Variants in MAP4K4 observed in about 807,000 individuals in gnomAD.
MAP4K4 encodes the protein mitogen-activated protein kinase kinase kinase kinase 4.
A neutral mutation model predicts 189.6 loss-of-function variants in MAP4K4; 38 were observed. That is an observed-to-expected ratio of 0.20 (90% confidence interval 0.15 to 0.26). The LOEUF is 0.26. Ranked by LOEUF, MAP4K4 falls within the 10% of genes least tolerant of loss-of-function variation. The probability of loss-of-function intolerance (pLI) is 1.00; values close to 1 mark genes in which losing one functional copy is unlikely to be tolerated. For synonymous variants in MAP4K4, 610 were observed against 624.3 expected (o/e 0.98, Z 0.34); for missense variants, 1,054 against 1,726.9 (o/e 0.61, Z 6.91).
At chr2:101,760,951 T>A (rs1474173682) in intron 2 of MAP4K4, among the ~76,000 whole-genome samples, 1 of 152,198 alleles carries the variant, frequency 6.6e-6, no homozygotes, top group Non-Finnish European at 1.5e-5. Flanking sequence ...TGCCGTGAAC[T>A]GAGATCGCGC....
At chr2:101,815,756 C>T (rs79128935) in intron 3 of MAP4K4, among the ~76,000 whole-genome samples, 10,224 of 152,222 alleles carry the variant, frequency 0.067, 441 homozygotes, top group African/African-American at 0.12. Context: ...GCCCCACTAT[C>T]GAGGCCAGAG....
exon 33 of MAP4K4, chr2:101,893,305 A>G (rs998237681): frequency 2.2e-6 from 1 of 455,912 alleles, no homozygotes; most frequent in South Asian, 1.6e-5. Flanking sequence ...GAAGATGGAA[A>G]TGGATGTTTC....
intron 2 of MAP4K4, among the ~76,000 whole-genome samples, chr2:101,743,474 G>A (rs2063745764): frequency 6.6e-6 from 1 of 152,092 alleles, no homozygotes; most frequent in Non-Finnish European, 1.5e-5. Flanking sequence ...TTCAGTTAGT[G>A]TGTTGTCTGT....
chr2:101,782,829 C>T (rs774618959), intron 2 of MAP4K4, among the ~76,000 whole-genome samples: 30 of 152,138 alleles, frequency 2.0e-4, no homozygotes, highest in African/African-American at 7.2e-4. Context: ...AATATGCTCT[C>T]CCACTTTGGT....
chr2:101,877,671 T>C (rs1299136731), intron 27 of MAP4K4, among the ~76,000 whole-genome samples: 5 of 152,138 alleles, frequency 3.3e-5, no homozygotes, highest in African/African-American at 1.2e-4. Context: ...GAAGTATTCT[T>C]TGCCATTATT....
chr2:101,752,072 G>A (rs1382148659), intron 2 of MAP4K4, among the ~76,000 whole-genome samples: 1 of 152,178 alleles, frequency 6.6e-6, no homozygotes, highest in Non-Finnish European at 1.5e-5. Flanking sequence ...GTGGGGGAGA[G>A]CAGTGCTTTC....
chr2:101,765,071 A>G (rs1003191967), intron 2 of MAP4K4, among the ~76,000 whole-genome samples: 1 of 152,222 alleles, frequency 6.6e-6, no homozygotes, highest in South Asian at 2.1e-4. Context: ...AACAACACAA[A>G]TAATGCAAGG....
intron 2 of MAP4K4, among the ~76,000 whole-genome samples, chr2:101,729,007 G>C (rs1468689072): frequency 6.6e-6 from 1 of 151,854 alleles, no homozygotes; most frequent in African/African-American, 2.4e-5. Flanking sequence ...AAATTGTGAA[G>C]ATGTAATGAA....
At chr2:101,877,542 C>A (rs1291688764) in intron 27 of MAP4K4, among the ~76,000 whole-genome samples, 1 of 147,332 alleles carries the variant, frequency 6.8e-6, no homozygotes, top group Non-Finnish European at 1.5e-5. Flanking sequence ...GTGGCGCGAT[C>A]TTGGCTCACT....
At chr2:101,879,743 A>G (rs926456253) in intron 27 of MAP4K4, among the ~76,000 whole-genome samples, 11 of 152,040 alleles carry the variant, frequency 7.2e-5, no homozygotes, top group Non-Finnish European at 1.5e-4. Flanking sequence ...AGCACTGTCC[A>G]GACTTTGAAC....
chr2:101,845,667 G>A lies in MAP4K4; in HGVS notation c.1233+1356G>A, dbSNP rs564578310. Among the ~76,000 whole-genome samples the A allele has an allele frequency of 2.0e-4, 31 of 152,242 alleles. No individual in the cohort carries two copies. In the East Asian group the frequency reaches 5.8e-3, roughly 28 times the overall value. ...AAAATATGATATTATAATTTTATGG[G>A]ACCACCATTGTATATGCAGTTCATC... On this transcript the variant is annotated intron_variant, in intron 12 of 32. Transcript: ENST00000324219.
intron 2 of MAP4K4, among the ~76,000 whole-genome samples, chr2:101,786,978 T>C (rs1437084684): frequency 1.3e-5 from 2 of 152,220 alleles, no homozygotes; most frequent in East Asian, 3.8e-4. Flanking sequence ...TATCCCTGGA[T>C]GAGATACTGT....
At chr2:101,774,071 T>C (rs1411677946) in intron 2 of MAP4K4, among the ~76,000 whole-genome samples, 1 of 152,220 alleles carries the variant, frequency 6.6e-6, no homozygotes, top group Non-Finnish European at 1.5e-5. Flanking sequence ...CTTGTGTGTA[T>C]ATACCTAGCA....
intron 21 of MAP4K4, among the ~76,000 whole-genome samples, chr2:101,868,674 G>A (rs1242291439): frequency 2.0e-5 from 3 of 152,226 alleles, no homozygotes; most frequent in African/African-American, 4.8e-5. Context: ...GAAGGAGGGC[G>A]TTAGGGACGC....
At chr2:101,764,060 A>G (rs2077544647) in intron 2 of MAP4K4, among the ~76,000 whole-genome samples, 1 of 152,046 alleles carries the variant, frequency 6.6e-6, no homozygotes, top group Middle Eastern at 3.2e-3. Context: ...CTGTATTTAC[A>G]GGGAAGTCTG....
intron 21 of MAP4K4, among the ~76,000 whole-genome samples, chr2:101,869,420 TA>T (rs1250894058): frequency 1.3e-5 from 2 of 151,720 alleles, no homozygotes; most frequent in African/African-American, 2.4e-5. Flanking sequence ...TGGTGTCTTC[TA>T]TTTTTTTTTT....
chr2:101,848,726 C>T (rs1406076662), intron 12 of MAP4K4, among the ~76,000 whole-genome samples: 2 of 152,140 alleles, frequency 1.3e-5, no homozygotes, highest in East Asian at 1.9e-4. Flanking sequence ...TACACTCCCA[C>T]CCTCCATCTC....
chr2:101,731,389 T>G (rs556690686), intron 2 of MAP4K4, among the ~76,000 whole-genome samples: 4 of 152,090 alleles, frequency 2.6e-5, no homozygotes, highest in Non-Finnish European at 5.9e-5. Context: ...GTGCTGGGAT[T>G]ACAGGTGTGA....
chr2:101,805,508 C>T (rs1377096631), intron 3 of MAP4K4, among the ~76,000 whole-genome samples: 2 of 151,984 alleles, frequency 1.3e-5, no homozygotes, highest in Admixed American at 6.5e-5. Context: ...ATATTCCTGC[C>T]GTTGATATAA....
Sources: gnomAD v4.1 joint callset for allele counts (sites outside exome capture counted in the v4.1 genomes callset) on GRCh38, gnomAD v4.1.1 for gene constraint, MANE v1.5 for transcripts, NCBI Gene and HGNC (gene_info 2026-07-23, HGNC 2026-07-21) for gene names.